MYO9B: variants seen among roughly 807,000 people sequenced by gnomAD.
MYO9B encodes myosin IXB.
Under a neutral mutation model 229.5 loss-of-function variants are expected in MYO9B, and 71 were observed. That is an observed-to-expected ratio of 0.31 (90% CI 0.26 to 0.38). The LOEUF is 0.38. MYO9B is among the 10% of genes least tolerant of loss of function. The pLI is 1.00. For synonymous variants in MYO9B, 1,185 were observed against 1,235.8 expected (o/e 0.96, Z 0.86); for missense variants, 2,255 against 2,920.5 (o/e 0.77, Z 5.25).
intron 1 of MYO9B, among the ~76,000 whole-genome samples, chr19:17,080,636 G>A (rs767438751): frequency 1.2e-4 from 19 of 152,176 alleles, no homozygotes; most frequent in Non-Finnish European, 2.6e-4. Flanking sequence ...GGGAGGCTGA[G>A]GCAGGAGGAT....
chr19:17,207,750 G>A (rs936261523), intron 35 of MYO9B: 3 of 152,100 alleles, frequency 2.0e-5, no homozygotes, highest in East Asian at 1.9e-4. Flanking sequence ...GGTGGCTCAC[G>A]CCTGTAATCC....
At chr19:17,089,883 T>G (rs537308705) in intron 1 of MYO9B, among the ~76,000 whole-genome samples, 23 of 152,168 alleles carry the variant, frequency 1.5e-4, no homozygotes, top group Admixed American at 1.4e-3. Flanking sequence ...TCCAGAACAC[T>G]TTCATTCCCC....
chr19:17,088,668 A>G (rs1017226459), intron 1 of MYO9B, among the ~76,000 whole-genome samples: 1 of 151,854 alleles, frequency 6.6e-6, no homozygotes, highest in Non-Finnish European at 1.5e-5. Context: ...AGCCCCACTT[A>G]CTTTGTTTAT....
chr19:17,196,968 G>A (rs1322593689), intron 22 of MYO9B, among the ~76,000 whole-genome samples: 1 of 151,912 alleles, frequency 6.6e-6, no homozygotes, highest in African/African-American at 2.4e-5. Flanking sequence ...AGATGATGGA[G>A]GGACGGATGG....
At chr19:17,133,847 G>T (rs188991493) in intron 2 of MYO9B, among the ~76,000 whole-genome samples, 1 of 151,970 alleles carries the variant, frequency 6.6e-6, no homozygotes, top group African/African-American at 2.4e-5. Context: ...TGCAAGCTCC[G>T]CCTCCCAGGT....
chr19:17,181,237 C>T (rs1259568468), intron 15 of MYO9B, among the ~76,000 whole-genome samples, 197 bp downstream of exon 15: 2 of 152,258 alleles, frequency 1.3e-5, no homozygotes, highest in Non-Finnish European at 2.9e-5. Context: ...GGCCCAGGCA[C>T]AGCCGGCTTC....
At chr19:17,100,832 A>AT (rs1246598512) in intron 1 of MYO9B, among the ~76,000 whole-genome samples, 1 of 151,978 alleles carries the variant, frequency 6.6e-6, no homozygotes, top group Non-Finnish European at 1.5e-5. Flanking sequence ...CCCGGACTTC[A>AT]TCTTCCTAGG....
At chr19:17,145,525 C>G in intron 3 of MYO9B, 34 bp downstream of exon 3, 1 of 1,563,968 alleles carries the variant, frequency 6.4e-7, no homozygotes, top group Non-Finnish European at 8.8e-7. Context: ...CTGGTGGGAG[C>G]TGGCCCCACG....
chr19:17,157,158 CA>C, intron 7 of MYO9B, 120 bp downstream of exon 7: 1 of 1,244,980 alleles, frequency 8.0e-7, no homozygotes, highest in Non-Finnish European at 1.1e-6. Flanking sequence ...ACCAGGACCT[CA>C]CGTCTTCCGC....
intron 2 of MYO9B, among the ~76,000 whole-genome samples, chr19:17,140,643 C>T (rs1235361125): frequency 6.6e-6 from 1 of 151,940 alleles, no homozygotes; most frequent in Non-Finnish European, 1.5e-5. Flanking sequence ...CATGTACCAC[C>T]ATGCCCGGCT....
chr19:17,167,464 A>G (rs946849841), intron 10 of MYO9B, among the ~76,000 whole-genome samples: 1 of 143,170 alleles, frequency 7.0e-6, no homozygotes. Context: ...TAAGTGTATT[A>G]TTAGAGCTAT....
chr19:17,082,782 C>T (rs2057545151), intron 1 of MYO9B, among the ~76,000 whole-genome samples: 1 of 152,136 alleles, frequency 6.6e-6, no homozygotes, highest in African/African-American at 2.4e-5. Flanking sequence ...AAACTGGTTC[C>T]TTTCCCCTGG....
chr19:17,101,631 A>C lies in MYO9B; in HGVS notation c.-58-29A>C. 1 of 1,457,868 alleles carries C rather than the reference A, an allele frequency of 6.9e-7. No homozygotes were observed. The highest frequency in any genetic ancestry group is 2.5e-5 in the Admixed American group (1 of 39,698). 90.3% of individuals were successfully genotyped at this position (1,457,868 alleles called of 1,614,324 possible). A position where few individuals can be genotyped will look rare whatever the true frequency, so the allele number is the denominator to read the frequency against. On this transcript the variant is annotated intron_variant, in intron 1 of 39. Transcript: ENST00000682292. This position sits in a 1 kb window ranked among gnomAD's most constrained non-coding sequence, Gnocchi z 4.7. Reference sequence around the variant, plus strand: ...CCTTAAACTTCCTCCCACCATTCTGACCATGCCTGGCTCTGACCTCCCTTC... The same window carrying C: ...CCTTAAACTTCCTCCCACCATTCTGCCCATGCCTGGCTCTGACCTCCCTTC...
intron 2 of MYO9B, among the ~76,000 whole-genome samples, chr19:17,134,079 GT>G (rs1054212957): frequency 1.3e-5 from 2 of 151,316 alleles, no homozygotes; most frequent in Non-Finnish European, 3.0e-5. Flanking sequence ...ACTTCTGTGA[GT>G]TTTTTTTTGG....
At chr19:17,211,471 G>T (rs1415678188) in intron 38 of MYO9B, among the ~76,000 whole-genome samples, 176 bp from the exon 39 acceptor site, 1 of 151,914 alleles carries the variant, frequency 6.6e-6, no homozygotes. Flanking sequence ...AACAGGGTCC[G>T]CCTATGTTGC....
chr19:17,176,190 C>T (rs188840060), intron 14 of MYO9B, among the ~76,000 whole-genome samples: 16 of 152,072 alleles, frequency 1.1e-4, no homozygotes, highest in Admixed American at 5.2e-4. Flanking sequence ...CCACCACACC[C>T]GGCTAATTTC....
rs761256634 is a variant in MYO9B at position 17,197,745 on chromosome 19, A to G, written c.4047-47A>G. 3 of 1,606,770 alleles carry G rather than the reference A, an allele frequency of 1.9e-6. No individual in the cohort carries two copies. The Admixed American group carries it at 5.0e-5, about 27-fold the overall frequency. On this transcript the variant is annotated intron_variant, in intron 22 of 39. Coordinates refer to ENST00000682292, the MANE Select transcript of MYO9B (RefSeq NM_004145.4). ...AGAACCACTAAGACAAGAAAATGCC[A>G]CTGACTCACTCTAGTCAGTAAAAGC...
At chr19:17,077,377 T>C (rs1234700821) in intron 1 of MYO9B, among the ~76,000 whole-genome samples, 2 of 152,174 alleles carry the variant, frequency 1.3e-5, no homozygotes, top group African/African-American at 4.8e-5. Context: ...TTCCAGAATA[T>C]CCTGGCCTTT....
chr19:17,206,225 G>GGGGGGGGGCCC, intron 32 of MYO9B, 23 bp from the exon 33 acceptor site: 1 of 1,564,664 alleles, frequency 6.4e-7, no homozygotes, highest in Non-Finnish European at 8.7e-7. Context: ...CCGCTCACCA[G>GGGGGGGGGCCC]ACCCACCCCA....
Sources: allele counts gnomAD v4.1 joint callset (sites outside exome capture counted in the v4.1 genomes callset), GRCh38; gene constraint gnomAD v4.1.1; non-coding constraint Gnocchi (gnomAD v3.1); transcripts MANE v1.5; gene names NCBI Gene and HGNC (gene_info 2026-07-23, HGNC 2026-07-21).